The following DENND5A variants were observed in gnomAD, a reference collection of about 807,000 sequenced individuals.
The protein encoded by DENND5A is DENN domain-containing protein 5A.
Under a neutral mutation model 140.3 loss-of-function variants are expected in DENND5A, and 64 were observed. The ratio of observed to expected loss-of-function variants is 0.46; its 90% CI spans 0.37 to 0.56. DENND5A has a LOEUF of 0.56. Ranked by LOEUF, DENND5A falls within the 20% of genes least tolerant of loss-of-function variation. The probability of loss-of-function intolerance (pLI) is 0.00; values close to 1 mark genes in which losing one functional copy is unlikely to be tolerated. For missense variants in DENND5A, 1,292 were observed against 1,593.8 expected, an observed-to-expected ratio of 0.81 and a Z score of 3.22; for synonymous variants, 605 against 607.7, an observed-to-expected ratio of 1.00 and a Z score of 0.07.
At chr11:9,240,443 C>A (rs1398992921) in intron 1 of DENND5A, among the ~76,000 whole-genome samples, 2 of 152,008 alleles carry the variant, frequency 1.3e-5, no homozygotes, top group African/African-American at 2.4e-5. Flanking sequence ...GGCGCAGGGG[C>A]ACTCGCCTGT....
At chr11:9,260,950 G>C (rs1260243000) in intron 1 of DENND5A, among the ~76,000 whole-genome samples, 1 of 152,160 alleles carries the variant, frequency 6.6e-6, no homozygotes, top group Non-Finnish European at 1.5e-5. Flanking sequence ...TGAGACTCAA[G>C]TGACCTTCTC....
At chr11:9,140,149 C>A in intron 22 of DENND5A, 2 of 1,421,868 alleles carry the variant, frequency 1.4e-6, no homozygotes, top group Non-Finnish European at 1.9e-6. Flanking sequence ...CTTCTCTCCT[C>A]CCACAGCTAC....
chr11:9,188,340 C>T (rs1848992708), intron 5 of DENND5A, among the ~76,000 whole-genome samples: 4 of 152,166 alleles, frequency 2.6e-5, no homozygotes, highest in African/African-American at 7.2e-5. Context: ...TCTTTTTCTT[C>T]CCACTCTCAG....
intron 1 of DENND5A, among the ~76,000 whole-genome samples, chr11:9,248,571 T>C (rs1322632904): frequency 2.0e-5 from 3 of 151,860 alleles, no homozygotes; most frequent in African/African-American, 7.3e-5. Flanking sequence ...GGAGGATGGC[T>C]TGAACCTGGG....
At chr11:9,163,149 T>A (rs959186738) in intron 11 of DENND5A, among the ~76,000 whole-genome samples, 1 of 152,230 alleles carries the variant, frequency 6.6e-6, no homozygotes, top group African/African-American at 2.4e-5. Flanking sequence ...ATTGGCTTTC[T>A]CAACTGATTG....
At chr11:9,210,077 A>C (rs780955212) in intron 1 of DENND5A, among the ~76,000 whole-genome samples, 19 of 152,072 alleles carry the variant, frequency 1.2e-4, no homozygotes, top group Non-Finnish European at 2.2e-4. Flanking sequence ...ATTATACTCC[A>C]GCTTGGGTGA....
intron 1 of DENND5A, among the ~76,000 whole-genome samples, chr11:9,230,124 T>C (rs1263802275): frequency 6.6e-6 from 1 of 151,328 alleles, no homozygotes; most frequent in Non-Finnish European, 1.5e-5. Context: ...TTAGCCAGGA[T>C]GGTCTCGATC....
intron 1 of DENND5A, among the ~76,000 whole-genome samples, chr11:9,263,324 G>A (rs186470969): frequency 2.7e-5 from 4 of 150,538 alleles, no homozygotes; most frequent in Admixed American, 6.6e-5. Flanking sequence ...GGGTTAAAGC[G>A]ATCCTCCTAC....
intron 1 of DENND5A, among the ~76,000 whole-genome samples, chr11:9,209,385 G>A (rs1000278013): frequency 2.6e-5 from 4 of 152,172 alleles, no homozygotes; most frequent in African/African-American, 7.2e-5. Flanking sequence ...GGAGCCAAAG[G>A]TGAGCATGAC....
intron 3 of DENND5A, among the ~76,000 whole-genome samples, chr11:9,205,765 C>T (rs968337663): frequency 2.0e-5 from 3 of 152,144 alleles, no homozygotes; most frequent in Non-Finnish European, 2.9e-5. Flanking sequence ...GGCATAGTGT[C>T]GTGCACCAGT....
intron 1 of DENND5A, among the ~76,000 whole-genome samples, chr11:9,214,996 G>A (rs1209182836): frequency 6.6e-6 from 1 of 152,060 alleles, no homozygotes; most frequent in Middle Eastern, 3.2e-3. Context: ...CAAAGTGCTG[G>A]GATTACAGGC....
At chr11:9,197,464 G>A (rs1035822982) in intron 4 of DENND5A, among the ~76,000 whole-genome samples, 9 of 151,062 alleles carry the variant, frequency 6.0e-5, no homozygotes, top group African/African-American at 2.0e-4. Context: ...GGGAGGCCAA[G>A]GTGGCCAGTT....
intron 15 of DENND5A, among the ~76,000 whole-genome samples, chr11:9,148,237 T>C (rs1847496498): frequency 6.6e-6 from 1 of 151,892 alleles, no homozygotes; most frequent in Admixed American, 6.6e-5. Flanking sequence ...ACAACTGTTG[T>C]ACAGACAGGT....
At chr11:9,210,864 A>G (rs1207211021) in intron 1 of DENND5A, among the ~76,000 whole-genome samples, 2 of 152,188 alleles carry the variant, frequency 1.3e-5, no homozygotes, top group Non-Finnish European at 2.9e-5. Flanking sequence ...GATAGGGAGG[A>G]TAATATAAAG....
intron 10 of DENND5A, among the ~76,000 whole-genome samples, chr11:9,167,475 T>TA (rs547949319): frequency 0.089 from 10,666 of 119,378 alleles, 484 homozygotes; most frequent in Non-Finnish European, 0.12. Flanking sequence ...GATGAAAGAT[T>TA]AAAAAAAAAA....
rs745414271 is a variant in DENND5A, at chr11:9,143,472, C to A, written c.3318G>T (p.Gly1106=). 6.2e-7 allele frequency: 1 copy of A among 1,613,986 alleles called. No individual in the cohort carries two copies. Among genetic ancestry groups the A allele is most frequent in the South Asian group, 1.1e-5 (1 of 91,076 alleles). The change falls in exon 20 of 23, where the codon GGG becomes GGT. Residue 1106 remains glycine, a synonymous_variant. Transcript: ENST00000328194. ...CCTCCCCGATGGACTCCTGGATCTG[C>A]CCAGTGTTCAGCTCTAATAAAAATC... The part of the protein sequence containing the change: ...SPNNKPKLNT[G]QIQESIGEAV...
intron 10 of DENND5A, among the ~76,000 whole-genome samples, chr11:9,166,871 T>G (rs1340988266): frequency 6.6e-6 from 1 of 151,350 alleles, no homozygotes; most frequent in Non-Finnish European, 1.5e-5. Flanking sequence ...AAAATTAAAT[T>G]AAAAAAAGAT....
In DENND5A at chr11:9,152,455, C is replaced by G; in HGVS notation, c.2437-13G>C. On this transcript the variant is annotated splice_polypyrimidine_tract_variant and intron_variant, in intron 12 of 22. Coordinates refer to ENST00000328194, the MANE Select transcript of DENND5A (RefSeq NM_015213.4). ...AGGCTGATTTCCCCTGGAACCAATGCAAGGGAGAAACACCTATCAGTTTAG... is the reference window on the plus strand; with the variant it reads ...AGGCTGATTTCCCCTGGAACCAATGGAAGGGAGAAACACCTATCAGTTTAG... The G allele has an allele frequency of 6.3e-7, 1 of 1,588,728 alleles. No individual in the cohort carries two copies. Among genetic ancestry groups the G allele is most frequent in the Non-Finnish European group, 8.6e-7 (1 of 1,156,984 alleles).
chr11:9,258,007 GGT>G (rs913214069), intron 1 of DENND5A, among the ~76,000 whole-genome samples: 2 of 149,042 alleles, frequency 1.3e-5, no homozygotes, highest in African/African-American at 5.0e-5. Flanking sequence ...TGGCCAGGCT[GGT>G]CTCAAACTCC....
Sources: gnomAD v4.1 joint callset for allele counts (sites outside exome capture counted in the v4.1 genomes callset) on GRCh38, gnomAD v4.1.1 for gene constraint, MANE v1.5 for transcripts, NCBI Gene and HGNC (gene_info 2026-07-23, HGNC 2026-07-21) for gene names.